PRKCA: variants seen among roughly 807,000 people sequenced by gnomAD.
PRKCA encodes protein kinase C alpha.
PRKCA carries 27 observed loss-of-function variants against 87.0 expected under a neutral mutation model. The ratio of observed to expected loss-of-function variants is 0.31; its 90% confidence interval spans 0.23 to 0.43. PRKCA has a LOEUF of 0.43. Ranked by LOEUF, PRKCA falls within the 20% of genes least tolerant of loss-of-function variation. The probability of loss-of-function intolerance (pLI) is 1.00; values close to 1 mark genes in which losing one functional copy is unlikely to be tolerated. For missense variants in PRKCA, 518 were observed against 852.3 expected, an observed-to-expected ratio of 0.61 and a Z score of 4.88; for synonymous variants, 329 against 311.1, an observed-to-expected ratio of 1.06 and a Z score of -0.61.
At chr17:66,611,241 G>A (rs1970354756) in intron 3 of PRKCA, among the ~76,000 whole-genome samples, 1 of 152,136 alleles carries the variant, frequency 6.6e-6, no homozygotes. Context: ...ATAGCTCAGT[G>A]ATTTTTTGTG....
chr17:66,551,176 C>T (rs976939329), intron 3 of PRKCA, among the ~76,000 whole-genome samples: 1 of 152,210 alleles, frequency 6.6e-6, no homozygotes, highest in Non-Finnish European at 1.5e-5. Context: ...GATCCTCCCA[C>T]CTTAGCCCTG....
chr17:66,338,152 T>G (rs143710688), intron 2 of PRKCA, among the ~76,000 whole-genome samples: 163 of 151,770 alleles, frequency 1.1e-3, no homozygotes, highest in African/African-American at 3.7e-3. Flanking sequence ...TTAACCTGGC[T>G]TCACATTTCA....
intron 3 of PRKCA, among the ~76,000 whole-genome samples, chr17:66,534,152 G>T (rs62071701): frequency 6.8e-6 from 1 of 147,438 alleles, no homozygotes; most frequent in Non-Finnish European, 1.5e-5. Context: ...AGCTGACCAC[G>T]ATTCTTTGTT....
intron 2 of PRKCA, among the ~76,000 whole-genome samples, chr17:66,351,728 C>T (rs572828307): frequency 3.3e-5 from 5 of 152,194 alleles, no homozygotes; most frequent in African/African-American, 4.8e-5. Context: ...CTCAAACCAG[C>T]GTAAACCATA....
intron 16 of PRKCA, chr17:66,796,804 C>T (rs944697893): frequency 1.7e-4 from 165 of 985,214 alleles, no homozygotes; most frequent in Non-Finnish European, 1.9e-4. Flanking sequence ...GTTGCTAAGG[C>T]GCTCCACTGT....
intron 2 of PRKCA, among the ~76,000 whole-genome samples, chr17:66,432,144 G>A (rs1330545462): frequency 6.6e-6 from 1 of 152,172 alleles, no homozygotes; most frequent in Non-Finnish European, 1.5e-5. Context: ...TTCAGTGGCA[G>A]CTTTCCTCAG....
chr17:66,474,405 G>A (rs1915451892), intron 2 of PRKCA, among the ~76,000 whole-genome samples: 1 of 152,204 alleles, frequency 6.6e-6, no homozygotes, highest in Admixed American at 6.5e-5. Context: ...ACATTTGCTG[G>A]GAAGAGGAGT....
intron 2 of PRKCA, among the ~76,000 whole-genome samples, chr17:66,368,386 A>ATATTTTT (rs1567793184): frequency 7.9e-5 from 2 of 25,468 alleles, no homozygotes; most frequent in African/African-American, 2.4e-4. Context: ...ATATATATAT[A>ATATTTTT]TTTTTTTTTT....
chr17:66,595,520 C>T lies in PRKCA; in HGVS notation c.289-45835C>T, dbSNP rs538227645. Among the ~76,000 whole-genome samples the T allele has an allele frequency of 7.4e-5, 10 of 135,790 alleles. 1 individual carries two copies. The Middle Eastern group carries it at 0.014, about 187-fold the overall frequency. The allele number at this position is 135,790 out of a possible 152,430, so 89.1% of individuals were successfully genotyped here. On this transcript the variant is annotated intron_variant, in intron 3 of 16. Transcript: ENST00000413366. The stretch of plus-strand genomic sequence containing the variant: ...TGTCACCCAGGCTGGAGTGCAGTGG[C>T]GCAATCTCGGCTCACTGCAAGCTCC...
chr17:66,400,660 A>G (rs970385624), intron 2 of PRKCA, among the ~76,000 whole-genome samples: 1 of 152,220 alleles, frequency 6.6e-6, no homozygotes, highest in Non-Finnish European at 1.5e-5. Context: ...GCTGGATTAC[A>G]TGATGGTTCT....
intron 8 of PRKCA, among the ~76,000 whole-genome samples, chr17:66,716,059 G>A (rs754205153): frequency 2.1e-4 from 32 of 152,078 alleles, no homozygotes; most frequent in Non-Finnish European, 4.4e-4. Context: ...TCTTCAGTGT[G>A]CTGCAAAGAA....
Position 66,797,100 on chromosome 17 carries a change from A to T in PRKCA, c.1855-6773A>T, listed in dbSNP as rs1371263472. The T allele has an allele frequency of 7.2e-6, 5 of 696,098 alleles. No homozygotes were observed. The African/African-American group carries it at 9.7e-5, about 14-fold the overall frequency. 43.1% of individuals were successfully genotyped at this position (696,098 alleles called of 1,614,324 possible). A position where few individuals can be genotyped will look rare whatever the true frequency, so the allele number is the denominator to read the frequency against. ...TGACTGAGACGCCGAGGTAAAGGGC[A>T]GGGGTGAGACCAACACGTGTATTGC... On this transcript the variant is annotated intron_variant, in intron 16 of 16. Coordinates refer to ENST00000413366, the MANE Select transcript of PRKCA (RefSeq NM_002737.3).
At chr17:66,419,470 C>T (rs143884131) in intron 2 of PRKCA, among the ~76,000 whole-genome samples, 294 of 152,050 alleles carry the variant, frequency 1.9e-3, no homozygotes, top group Non-Finnish European at 3.0e-3. Flanking sequence ...TCACCAAAAA[C>T]GAAATAATAG....
At chr17:66,493,297 T>TTGTGTGTGTGTG (rs61513917) in intron 2 of PRKCA, among the ~76,000 whole-genome samples, 198 of 143,172 alleles carry the variant, frequency 1.4e-3, no homozygotes, top group African/African-American at 4.3e-3. Context: ...GTAGGTATAT[T>TTGTGTGTGTGTG]TGTGTGTGTG....
intron 2 of PRKCA, among the ~76,000 whole-genome samples, chr17:66,408,350 T>G (rs560534353): frequency 1.3e-5 from 2 of 152,376 alleles, no homozygotes; most frequent in East Asian, 3.9e-4. Flanking sequence ...TGTAATGGTA[T>G]AATTTAGAGA....
At chr17:66,428,072 AC>A (rs1912907029) in intron 2 of PRKCA, among the ~76,000 whole-genome samples, 2 of 152,130 alleles carry the variant, frequency 1.3e-5, no homozygotes, top group South Asian at 4.1e-4. Flanking sequence ...ATAGCCCCTT[AC>A]TTGTATGATT....
rs1975958664 is a variant in PRKCA, at chr17:66,803,803, G to GGCCCTCGGAGAGC, written c.1855-69_1855-57dup. 6.4e-7 allele frequency: 1 copy of GGCCCTCGGAGAGC among 1,570,482 alleles called. No homozygotes were observed. The highest frequency in any genetic ancestry group is 2.3e-5 in the East Asian group (1 of 44,280). On this transcript the variant is annotated intron_variant, in intron 16 of 16. Transcript: ENST00000413366. This position sits in a 1 kb window ranked among gnomAD's most constrained non-coding sequence, Gnocchi z 4.4. ...CAGGGCCGTGCCCCTCCCCAGAGAG[G>GGCCCTCGGAGAGC]GCCCTCGGAGAGCTGCTCCCGCATT...
intron 3 of PRKCA, among the ~76,000 whole-genome samples, chr17:66,622,686 T>C (rs916916279): frequency 4.6e-5 from 7 of 152,160 alleles, no homozygotes; most frequent in South Asian, 4.1e-4. Context: ...GAAAAGTAGG[T>C]CTAATGGACT....
intron 3 of PRKCA, among the ~76,000 whole-genome samples, chr17:66,607,248 A>G (rs558865559): frequency 6.6e-6 from 1 of 152,304 alleles, no homozygotes; most frequent in East Asian, 1.9e-4. Flanking sequence ...ACCTTTCATT[A>G]ATTGTACTTT....
Sources: gnomAD v4.1 joint callset for allele counts (sites outside exome capture counted in the v4.1 genomes callset) on GRCh38, gnomAD v4.1.1 for gene constraint, Gnocchi (gnomAD v3.1) non-coding constraint, MANE v1.5 for transcripts, NCBI Gene and HGNC (gene_info 2026-07-23, HGNC 2026-07-21) for gene names.